HPGDS: variants seen among roughly 807,000 people sequenced by gnomAD.
HPGDS encodes hematopoietic prostaglandin D synthase, also known as GST class-sigma.
A neutral mutation model predicts 23.1 loss-of-function variants in HPGDS; 26 were observed. The observed-to-expected ratio is 1.13, with a 90% CI of 0.83 to 1.56. HPGDS has a LOEUF of 1.56. Ranked by LOEUF, HPGDS falls within the 40% of genes most tolerant of loss-of-function variation. The probability of loss-of-function intolerance (pLI) is 0.00; values close to 1 mark genes in which losing one functional copy is unlikely to be tolerated. For synonymous variants in HPGDS, 95 were observed against 77.9 expected (o/e 1.22, Z -1.16); for missense variants, 268 against 236.4 (o/e 1.13, Z -0.88).
intron 1 of HPGDS, among the ~76,000 whole-genome samples, chr4:94,340,305 CTTTCTCTTTTTTTTTTTTTTTTTTTTT>C (rs1721121547): frequency 1.5e-4 from 4 of 26,198 alleles, no homozygotes; most frequent in Admixed American, 6.2e-4. Flanking sequence ...TTCTTTCTTT[CTTTCTCTTTTTTTTTTTTTTTTTTTTT>C]TTTTTTTTTT....
chr4:94,325,156 A>G (rs1756603649), intron 2 of HPGDS, among the ~76,000 whole-genome samples: 1 of 152,138 alleles, frequency 6.6e-6, no homozygotes, highest in African/African-American at 2.4e-5. Context: ...TGGAAGCTTC[A>G]TCTCAGAGGG....
Position 94,302,137 on chromosome 4 carries a change from C to T in HPGDS, c.435+9G>A, listed in dbSNP as rs773187384. On this transcript the variant is annotated intron_variant, in intron 5 of 5. Coordinates refer to ENST00000295256, the MANE Select transcript of HPGDS (RefSeq NM_014485.3). ...TGCTTGAATTTTTTAAGATATAAAA[C>T]ATACTCACAGAGTTACCAATAAGCC... 6.3e-7 allele frequency: 1 copy of T among 1,574,906 alleles called. No individual in the cohort carries two copies. Among genetic ancestry groups the T allele is most frequent in the Non-Finnish European group, 8.7e-7 (1 of 1,146,114 alleles).
At chr4:94,313,042 A>C (rs1756311556) in intron 3 of HPGDS, among the ~76,000 whole-genome samples, 1 of 151,880 alleles carries the variant, frequency 6.6e-6, no homozygotes, top group South Asian at 2.1e-4. Context: ...TCTGCACGTG[A>C]GATGGGTTTC....
intron 1 of HPGDS, 99 bp from the exon 2 acceptor site, chr4:94,334,737 A>G (rs1720956403): frequency 2.0e-6 from 2 of 995,194 alleles, no homozygotes; most frequent in African/African-American, 1.6e-5. Flanking sequence ...GCATCTCTTG[A>G]GATTACTGGA....
chr4:94,308,852 A>C, intron 3 of HPGDS, 109 bp from the exon 4 acceptor site: 1 of 540,290 alleles, frequency 1.9e-6, no homozygotes, highest in African/African-American at 1.9e-5. Flanking sequence ...GTGTAAAACA[A>C]TATCCAGTGA....
intron 3 of HPGDS, among the ~76,000 whole-genome samples, chr4:94,314,454 A>G (rs2126038962): frequency 6.6e-6 from 1 of 152,274 alleles, no homozygotes; most frequent in South Asian, 2.1e-4. Context: ...CAGAACAGCA[A>G]ATATTGGTGA....
intron 3 of HPGDS, among the ~76,000 whole-genome samples, chr4:94,314,264 G>A (rs1361215774): frequency 1.3e-5 from 2 of 152,122 alleles, no homozygotes; most frequent in African/African-American, 4.8e-5. Context: ...CCCCATCTTT[G>A]TGGTTTTATC....
At position 94,340,311 on chromosome 4, in the gene HPGDS, C is replaced by CTTTTTCTTTTCTTTTT. The variant is rs1560598005; in HGVS notation, c.-10+2483_-10+2484insAAAAAGAAAAGAAAAA. Among the ~76,000 whole-genome samples the CTTTTTCTTTTCTTTTT allele has an allele frequency of 1.1e-3, 26 of 23,686 alleles. 4 individuals are homozygous for CTTTTTCTTTTCTTTTT. The highest frequency in any genetic ancestry group is 2.4e-3 in the Admixed American group (4 of 1,634). The allele number at this position is 23,686 out of a possible 152,430, so 15.5% of individuals were successfully genotyped here. On this transcript the variant is annotated intron_variant, in intron 1 of 5. Transcript: ENST00000295256. ...TTTCTTTCTTTCTTTCTTTCTTTCT[C>CTTTTTCTTTTCTTTTT]TTTTTTTTTTTTTTTTTTTTTTTTT...
At chr4:94,328,134 C>A (rs892778500) in intron 2 of HPGDS, among the ~76,000 whole-genome samples, 2 of 152,368 alleles carry the variant, frequency 1.3e-5, no homozygotes, top group Non-Finnish European at 1.5e-5. Context: ...ATCTCTCTTA[C>A]CTTTTCCCCA....
intron 3 of HPGDS, among the ~76,000 whole-genome samples, chr4:94,310,833 C>T (rs1354697304): frequency 6.6e-6 from 1 of 152,144 alleles, no homozygotes; most frequent in Non-Finnish European, 1.5e-5. Context: ...TTGTAATTCT[C>T]CTTAAAGAGG....
At chr4:94,315,750 A>G (rs1273029904) in intron 3 of HPGDS, among the ~76,000 whole-genome samples, 1 of 152,224 alleles carries the variant, frequency 6.6e-6, no homozygotes, top group African/African-American at 2.4e-5. Flanking sequence ...TCTGTAAACT[A>G]TATTTTTGTG....
In HPGDS at chr4:94,314,867, G is replaced by A. The variant is rs529673996; in HGVS notation, c.226+3006C>T. Reference sequence around the variant, plus strand: ...GCACCCCTCCCCCAGCCTCGCTGCCGCCTTGCAGTTTGATCTCAGACTGCT... The same window carrying A: ...GCACCCCTCCCCCAGCCTCGCTGCCACCTTGCAGTTTGATCTCAGACTGCT... On this transcript the variant is annotated intron_variant, in intron 3 of 5. Coordinates refer to ENST00000295256, the MANE Select transcript of HPGDS (RefSeq NM_014485.3). Among the ~76,000 whole-genome samples, 42 of 152,272 alleles carry A rather than the reference G, an allele frequency of 2.8e-4. No homozygotes were observed. The South Asian group carries it at 3.5e-3, about 13-fold the overall frequency.
intron 2 of HPGDS, among the ~76,000 whole-genome samples, chr4:94,332,725 A>G (rs1301421741): frequency 6.6e-6 from 1 of 152,224 alleles, no homozygotes; most frequent in Non-Finnish European, 1.5e-5. Context: ...TTTCTAGTCA[A>G]TCCTATGTCA....
intron 3 of HPGDS, among the ~76,000 whole-genome samples, chr4:94,313,652 T>C (rs535250130): frequency 8.5e-5 from 13 of 152,192 alleles, no homozygotes; most frequent in Non-Finnish European, 1.6e-4. Flanking sequence ...CTTTGTGGCG[T>C]TCTCTGTATT....
rs534219554 is a variant in HPGDS at position 94,335,933 on chromosome 4, C to T, written c.-9-1295G>A. Among the ~76,000 whole-genome samples the T allele has an allele frequency of 1.8e-3, 270 of 152,232 alleles. 1 individual carries two copies. The highest frequency in any genetic ancestry group is 3.4e-3 in the Admixed American group (52 of 15,282). Reference sequence around the variant, plus strand: ...CAAAAATCACATCACAGACCAGGCACGGTGGCTCATGCCTGTAATCCCAGA... The same window carrying T: ...CAAAAATCACATCACAGACCAGGCATGGTGGCTCATGCCTGTAATCCCAGA... On this transcript the variant is annotated intron_variant, in intron 1 of 5. Coordinates refer to ENST00000295256, the MANE Select transcript of HPGDS (RefSeq NM_014485.3).
chr4:94,312,942 G>T (rs945458273), intron 3 of HPGDS, among the ~76,000 whole-genome samples: 1 of 152,098 alleles, frequency 6.6e-6, no homozygotes, highest in African/African-American at 2.4e-5. Flanking sequence ...TGTTTTATCA[G>T]AGACTAGGAT....
chr4:94,331,134 C>G (rs1255992925), intron 2 of HPGDS, among the ~76,000 whole-genome samples: 1 of 152,182 alleles, frequency 6.6e-6, no homozygotes, highest in Non-Finnish European at 1.5e-5. Flanking sequence ...CAAGACTCAG[C>G]TCTTCTTATA....
chr4:94,320,859 T>C (rs1013819591), intron 2 of HPGDS, among the ~76,000 whole-genome samples: 4 of 152,184 alleles, frequency 2.6e-5, no homozygotes, highest in Non-Finnish European at 5.9e-5. Flanking sequence ...CTGAATGGTA[T>C]TGCCTAGGTT....
intron 3 of HPGDS, among the ~76,000 whole-genome samples, chr4:94,312,460 T>G (rs2126038075): frequency 6.6e-6 from 1 of 152,338 alleles, no homozygotes; most frequent in Middle Eastern, 3.4e-3. Flanking sequence ...TGAGTGAGTT[T>G]CTTAATCCTG....
Sources: allele counts gnomAD v4.1 joint callset (sites outside exome capture counted in the v4.1 genomes callset), GRCh38; gene constraint gnomAD v4.1.1; transcripts MANE v1.5; gene names NCBI Gene and HGNC (gene_info 2026-07-23, HGNC 2026-07-21).